The following CIMIP6 variants were observed in gnomAD, a reference collection of about 807,000 sequenced individuals.
CIMIP6 encodes ciliary microtubule inner protein 6.
chr2:54,375,154 G>T, the CIMIP6 span, among the ~76,000 whole-genome samples: 1 of 152,016 alleles, frequency 6.6e-6, no homozygotes, highest in Non-Finnish European at 1.5e-5. Context: ...ATCTACAAAA[G>T]AATGTAAAGT....
chr2:54,355,287 T>C, the CIMIP6 span, among the ~76,000 whole-genome samples: 1 of 152,222 alleles, frequency 6.6e-6, no homozygotes, highest in African/African-American at 2.4e-5. Context: ...TAAATTTCTC[T>C]ATTAAATGTC....
the CIMIP6 span, among the ~76,000 whole-genome samples, chr2:54,368,357 A>G: frequency 2.9e-3 from 439 of 152,348 alleles, 1 homozygote; most frequent in Middle Eastern, 6.8e-3. Context: ...TCTTATATGC[A>G]CTAGAAAATA....
the CIMIP6 span, among the ~76,000 whole-genome samples, chr2:54,353,086 C>A: frequency 1.3e-5 from 2 of 152,192 alleles, no homozygotes; most frequent in African/African-American, 4.8e-5. Flanking sequence ...AACTTAAATT[C>A]ATCTTATGTA....
chr2:54,375,041 G>A, the CIMIP6 span, among the ~76,000 whole-genome samples: 1 of 152,100 alleles, frequency 6.6e-6, no homozygotes, highest in Non-Finnish European at 1.5e-5. Flanking sequence ...AAACTTTTAA[G>A]GCTTCTTTTT....
the CIMIP6 span, chr2:54,383,406 A>G: frequency 6.6e-6 from 1 of 152,226 alleles, no homozygotes; most frequent in African/African-American, 2.4e-5. Flanking sequence ...GCTACAAATC[A>G]TTCCATATAA....
At chr2:54,377,701 G>C in the CIMIP6 span, among the ~76,000 whole-genome samples, 2 of 152,186 alleles carry the variant, frequency 1.3e-5, no homozygotes, top group Non-Finnish European at 2.9e-5. Context: ...ATGTTTGTGT[G>C]GCAACAGTAG....
At chr2:54,332,488 C>T in the CIMIP6 span, among the ~76,000 whole-genome samples, 12 of 152,190 alleles carry the variant, frequency 7.9e-5, no homozygotes, top group African/African-American at 2.9e-4. Context: ...ATATCTCTTA[C>T]AATAGGTATT....
At chr2:54,372,916 C>T in the CIMIP6 span, among the ~76,000 whole-genome samples, 20 of 152,124 alleles carry the variant, frequency 1.3e-4, no homozygotes, top group Non-Finnish European at 2.2e-4. Flanking sequence ...CGTTTCCCCT[C>T]GTATAGTTCT....
chr2:54,356,144 A>T, the CIMIP6 span, among the ~76,000 whole-genome samples: 6 of 29,712 alleles, frequency 2.0e-4, no homozygotes, highest in South Asian at 6.1e-4. Context: ...TTAAACTGTT[A>T]AAAAAAAAAA....
chr2:54,346,499 A>G, the CIMIP6 span, among the ~76,000 whole-genome samples: 2 of 152,180 alleles, frequency 1.3e-5, no homozygotes, highest in Admixed American at 1.3e-4. Context: ...TTCAAACCTG[A>G]TATGGCTGGA....
the CIMIP6 span, among the ~76,000 whole-genome samples, chr2:54,380,223 A>G: frequency 1.3e-5 from 2 of 151,916 alleles, no homozygotes; most frequent in Admixed American, 1.3e-4. Flanking sequence ...TATTTATGAT[A>G]CCTCCTTTGA....
chr2:54,365,431 A>C, the CIMIP6 span, among the ~76,000 whole-genome samples: 2 of 152,144 alleles, frequency 1.3e-5, no homozygotes, highest in Non-Finnish European at 2.9e-5. Context: ...AAAGAACAAA[A>C]ACTTCCCAGG....
the CIMIP6 span, among the ~76,000 whole-genome samples, chr2:54,350,531 C>T: frequency 2.0e-5 from 3 of 152,198 alleles, no homozygotes; most frequent in Non-Finnish European, 2.9e-5. Context: ...CCCAAGAATG[C>T]AAAAGCAGAA....
chr2:54,335,800 G>T, the CIMIP6 span, among the ~76,000 whole-genome samples: 4 of 152,144 alleles, frequency 2.6e-5, no homozygotes, highest in African/African-American at 9.7e-5. Context: ...AGTTCTTTCT[G>T]TGGGCTCTAA....
chr2:54,352,723 T>C, the CIMIP6 span, among the ~76,000 whole-genome samples: 1 of 152,190 alleles, frequency 6.6e-6, no homozygotes, highest in Admixed American at 6.5e-5. Context: ...TAGTGTAGTA[T>C]TTGCATATAA....
the CIMIP6 span, among the ~76,000 whole-genome samples, chr2:54,375,087 A>G: frequency 6.6e-6 from 1 of 152,220 alleles, no homozygotes; most frequent in African/African-American, 2.4e-5. Context: ...AGCATTTAAA[A>G]ATATCCCAAA....
the CIMIP6 span, among the ~76,000 whole-genome samples, chr2:54,342,068 G>A: frequency 6.6e-6 from 1 of 152,168 alleles, no homozygotes; most frequent in South Asian, 2.1e-4. Flanking sequence ...CTAAATTTCT[G>A]TAATCTCTGC....
the CIMIP6 span, among the ~76,000 whole-genome samples, chr2:54,333,326 G>A: frequency 6.6e-6 from 1 of 152,220 alleles, no homozygotes; most frequent in Admixed American, 6.5e-5. Context: ...CTGCTGAGGA[G>A]ATGGTTTTAA....
At chr2:54,373,019 T>C in the CIMIP6 span, among the ~76,000 whole-genome samples, 1 of 152,210 alleles carries the variant, frequency 6.6e-6, no homozygotes, top group South Asian at 2.1e-4. Context: ...TTCAGGACCT[T>C]ACCACTCCCC....
Sources: allele counts gnomAD v4.1 joint callset (sites outside exome capture counted in the v4.1 genomes callset), GRCh38; gene constraint gnomAD v4.1.1; transcripts MANE v1.5; gene names NCBI Gene and HGNC (gene_info 2026-07-23, HGNC 2026-07-21).